Variants in SLC23A2 observed in about 807,000 individuals in gnomAD.
The protein encoded by SLC23A2 is Na(+)/L-ascorbic acid transporter 2.
SLC23A2 carries 36 observed loss-of-function variants against 73.3 expected under a neutral mutation model. The ratio of observed to expected loss-of-function variants is 0.49; its 90% CI spans 0.38 to 0.65. SLC23A2 has a LOEUF of 0.65. SLC23A2 is among the 30% of genes least tolerant of loss of function. The pLI is 0.00. For missense variants in SLC23A2, 507 were observed against 841.6 expected, an observed-to-expected ratio of 0.60 and a Z score of 4.92; for synonymous variants, 343 against 327.3, an observed-to-expected ratio of 1.05 and a Z score of -0.52.
chr20:4,891,678 G>T (rs1170849131), intron 6 of SLC23A2, among the ~76,000 whole-genome samples: 2 of 152,216 alleles, frequency 1.3e-5, no homozygotes, highest in Non-Finnish European at 2.9e-5. Context: ...CCCTCCCAGT[G>T]GGGAAAACTA....
chr20:4,897,822 T>C (rs1265490980), intron 6 of SLC23A2, among the ~76,000 whole-genome samples: 5 of 152,188 alleles, frequency 3.3e-5, no homozygotes, highest in African/African-American at 1.2e-4. Flanking sequence ...CGGTACACAC[T>C]TCACTGCAAT....
At position 4,856,768 on chromosome 20, in the gene SLC23A2, G is replaced by A. The variant is rs547510685; in HGVS notation, c.*204C>T. ...AATGGACACTCTCAAAGGGCAAGGA[G>A]TTAAGGGCTTAAATAAGGAGATAGG... On this transcript the variant is annotated 3_prime_UTR_variant, in exon 17 of 17. Transcript: ENST00000338244. This position sits in a 1 kb window ranked among gnomAD's most constrained non-coding sequence, Gnocchi z 4.6. 2 of 568,118 alleles carry A rather than the reference G, an allele frequency of 3.5e-6. No individual in the cohort carries two copies. The highest frequency in any genetic ancestry group is 1.9e-5 in the African/African-American group (1 of 53,212). 35.2% of individuals were successfully genotyped at this position (568,118 alleles called of 1,614,324 possible). A position where few individuals can be genotyped will look rare whatever the true frequency, so the allele number is the denominator to read the frequency against.
rs1335497761 is a variant in SLC23A2, at chr20:4,892,830, C to G, written c.482+6725G>C. 3.9e-5 allele frequency among the ~76,000 whole-genome samples: 6 copies of G among 151,964 alleles called. No homozygotes were observed. The South Asian group carries it at 1.2e-3, about 31-fold the overall frequency. The stretch of plus-strand genomic sequence containing the variant: ...GACGTGGGGAGGAAAAAGGTGGAGA[C>G]AGCAAAGAGACACAACAAACAAATG... On this transcript the variant is annotated intron_variant, in intron 6 of 16. Coordinates refer to ENST00000338244, the MANE Select transcript of SLC23A2 (RefSeq NM_005116.6).
At position 4,863,562 on chromosome 20, in the gene SLC23A2, A is replaced by T. The variant is rs976422696; in HGVS notation, c.1357-655T>A. 2.6e-5 allele frequency among the ~76,000 whole-genome samples: 4 copies of T among 152,228 alleles called. No individual in the cohort carries two copies. Among genetic ancestry groups the T allele is most frequent in the African/African-American group, 9.6e-5 (4 of 41,464 alleles). On this transcript the variant is annotated intron_variant, in intron 13 of 16. Transcript: ENST00000338244. The surrounding 1 kb of genome is among the most constrained non-coding windows in gnomAD (Gnocchi z 4.8). ...AATGGTAGCTGGCACGCACTGAGCC[A>T]TCTGAGAGCCGCCCACATGGGCCTG...
At chr20:4,950,739 T>C (rs996474434) in intron 2 of SLC23A2, among the ~76,000 whole-genome samples, 2 of 152,000 alleles carry the variant, frequency 1.3e-5, no homozygotes, top group Non-Finnish European at 2.9e-5. Context: ...GAAAGGGAAC[T>C]CGAGGCTCAG....
rs558278195 is a variant in SLC23A2 at position 4,983,372 on chromosome 20, C to T, written c.-281-12453G>A. On this transcript the variant is annotated intron_variant, in intron 1 of 16. Transcript: ENST00000338244. Reference sequence around the variant, plus strand: ...CTGCAAAAGACACAAGCAGGCTGGGCGCAGTGGCTCACGCCTGTAATCCCA... The same window carrying T: ...CTGCAAAAGACACAAGCAGGCTGGGTGCAGTGGCTCACGCCTGTAATCCCA... Among the ~76,000 whole-genome samples the T allele has an allele frequency of 6.0e-3, 907 of 152,080 alleles. 4 individuals are homozygous for T. The highest frequency in any genetic ancestry group is 0.01 in the Non-Finnish European group (708 of 68,016).
At chr20:4,936,176 T>C (rs553633275) in intron 2 of SLC23A2, among the ~76,000 whole-genome samples, 4 of 152,212 alleles carry the variant, frequency 2.6e-5, no homozygotes, top group Admixed American at 2.6e-4. Context: ...CCCATCATCT[T>C]CCCAAAATCT....
intron 2 of SLC23A2, among the ~76,000 whole-genome samples, chr20:4,963,810 T>C (rs1213908147): frequency 6.6e-6 from 1 of 152,096 alleles, no homozygotes; most frequent in Non-Finnish European, 1.5e-5. Context: ...ATCGTGCCAC[T>C]GCACTCCAGC....
intron 1 of SLC23A2, among the ~76,000 whole-genome samples, chr20:5,008,368 T>A (rs1261999653): frequency 6.6e-6 from 1 of 152,034 alleles, no homozygotes; most frequent in African/African-American, 2.4e-5. Flanking sequence ...AGAATGTTAG[T>A]TCTGGAATCT....
At chr20:4,939,366 T>C (rs1404958473) in intron 2 of SLC23A2, among the ~76,000 whole-genome samples, 1 of 152,160 alleles carries the variant, frequency 6.6e-6, no homozygotes, top group Admixed American at 6.5e-5. Context: ...CAGGAACAAG[T>C]CGGGGGTGTC....
rs1252569485 is a variant in SLC23A2, at chr20:4,857,315, CACACACACACACACACACACAT to C, written c.1721-133_1721-112del. The C allele has an allele frequency of 1.7e-5, 10 of 599,278 alleles. No homozygotes were observed. The highest frequency in any genetic ancestry group is 7.6e-5 in the African/African-American group (4 of 52,972). The allele number at this position is 599,278 out of a possible 1,614,324, so 37.1% of individuals were successfully genotyped here. A position where few individuals can be genotyped will look rare whatever the true frequency, so the allele number is the denominator to read the frequency against. Reference sequence around the variant, plus strand: ...ACACACACACACACACACACACACACACACACACACACACACACACATGGTCCCACAGATCAAACCTGCCTAG... The same window carrying C: ...ACACACACACACACACACACACACACGGTCCCACAGATCAAACCTGCCTAG... On this transcript the variant is annotated intron_variant, in intron 16 of 16. Coordinates refer to ENST00000338244, the MANE Select transcript of SLC23A2 (RefSeq NM_005116.6). This position sits in a 1 kb window ranked among gnomAD's most constrained non-coding sequence, Gnocchi z 4.0.
At chr20:4,982,094 A>C (rs575278852) in intron 1 of SLC23A2, among the ~76,000 whole-genome samples, 15 of 152,150 alleles carry the variant, frequency 9.9e-5, no homozygotes, top group African/African-American at 3.6e-4. Flanking sequence ...TCCTGGGTTC[A>C]AGCCATTCTC....
chr20:4,895,114 C>A (rs1457097175), intron 6 of SLC23A2, among the ~76,000 whole-genome samples: 1 of 152,222 alleles, frequency 6.6e-6, no homozygotes, highest in Non-Finnish European at 1.5e-5. Flanking sequence ...AACAGGGGAA[C>A]CACTTCGGAG....
chr20:4,950,510 TG>T (rs2087184140), intron 2 of SLC23A2, among the ~76,000 whole-genome samples: 1 of 152,110 alleles, frequency 6.6e-6, no homozygotes, highest in Non-Finnish European at 1.5e-5. Flanking sequence ...TACTGAACAG[TG>T]GAAGTACCCA....
At chr20:4,983,414 A>C (rs1018673729) in intron 1 of SLC23A2, among the ~76,000 whole-genome samples, 1 of 152,126 alleles carries the variant, frequency 6.6e-6, no homozygotes, top group Non-Finnish European at 1.5e-5. Flanking sequence ...CGGGAGGCCA[A>C]GGCGGGCAGA....
At chr20:4,984,050 G>C (rs939005481) in intron 1 of SLC23A2, among the ~76,000 whole-genome samples, 3 of 151,928 alleles carry the variant, frequency 2.0e-5, no homozygotes, top group Non-Finnish European at 4.4e-5. Context: ...TAAAGGACTC[G>C]TGCAGAATAT....
In SLC23A2 at chr20:4,931,068, GAAAAAAAAAAAA is replaced by G. The variant is rs758041566; in HGVS notation, c.108+1375_108+1386del. Among the ~76,000 whole-genome samples, 190 of 75,058 alleles carry G rather than the reference GAAAAAAAAAAAA, an allele frequency of 2.5e-3. 3 individuals are homozygous for G. The highest frequency in any genetic ancestry group is 3.0e-3 in the Non-Finnish European group (114 of 38,642). The allele number at this position is 75,058 out of a possible 152,430, so 49.2% of individuals were successfully genotyped here. A position where few individuals can be genotyped will look rare whatever the true frequency, so the allele number is the denominator to read the frequency against. Reference sequence around the variant, plus strand: ...CTTAAAATAACTGTTATTTTTTTAAGAAAAAAAAAAAAAAAAAAAAAAAAGAATCCTCCAAGG... The same window carrying G: ...CTTAAAATAACTGTTATTTTTTTAAGAAAAAAAAAAAAGAATCCTCCAAGG... On this transcript the variant is annotated intron_variant, in intron 3 of 16. Transcript: ENST00000338244.
At chr20:4,892,242 G>C (rs898703718) in intron 6 of SLC23A2, among the ~76,000 whole-genome samples, 1 of 151,968 alleles carries the variant, frequency 6.6e-6, no homozygotes, top group African/African-American at 2.4e-5. Flanking sequence ...GTTCTCACTG[G>C]TCTACCTTAT....
Position 4,869,894 on chromosome 20 carries a change from T to C in SLC23A2, c.1250+12A>G, listed in dbSNP as rs1175151529. The stretch of plus-strand genomic sequence containing the variant: ...TGGGACCAATCAGGAACTTGTCTTC[T>C]CAGGAACGTACCTGTTTATTGCGTG... On this transcript the variant is annotated intron_variant, in intron 12 of 16. Coordinates refer to ENST00000338244, the MANE Select transcript of SLC23A2 (RefSeq NM_005116.6). 1 of 1,573,142 alleles carries C rather than the reference T, an allele frequency of 6.4e-7. No individual in the cohort carries two copies. The highest frequency in any genetic ancestry group is 2.3e-5 in the East Asian group (1 of 42,558).
Sources: gnomAD v4.1 joint callset for allele counts (sites outside exome capture counted in the v4.1 genomes callset) on GRCh38, gnomAD v4.1.1 for gene constraint, Gnocchi (gnomAD v3.1) non-coding constraint, MANE v1.5 for transcripts, NCBI Gene and HGNC (gene_info 2026-07-23, HGNC 2026-07-21) for gene names.